Variants in AUTS2 observed in about 807,000 individuals in gnomAD.
AUTS2 encodes autism susceptibility gene 2 protein.
Under a neutral mutation model 112.4 loss-of-function variants are expected in AUTS2, and 17 were observed. The observed-to-expected ratio is 0.15, with a 90% CI of 0.10 to 0.23. The LOEUF (loss-of-function observed/expected upper bound fraction) is 0.23. Ranked by LOEUF, AUTS2 falls within the 10% of genes least tolerant of loss-of-function variation. AUTS2 has a pLI of 1.00. For synonymous variants in AUTS2, 751 were observed against 702.7 expected, an observed-to-expected ratio of 1.07 and a Z score of -1.09; for missense variants, 1,510 against 1,701.6, an observed-to-expected ratio of 0.89 and a Z score of 1.98.
At chr7:69,735,758 C>T (rs1401201529) in intron 1 of AUTS2, among the ~76,000 whole-genome samples, 2 of 152,190 alleles carry the variant, frequency 1.3e-5, no homozygotes, top group Admixed American at 6.5e-5. Context: ...TTGTGAGCTC[C>T]GTAAGGGCTG....
intron 4 of AUTS2, among the ~76,000 whole-genome samples, chr7:70,232,140 A>G (rs1338201918): frequency 6.6e-6 from 1 of 152,122 alleles, no homozygotes; most frequent in Admixed American, 6.5e-5. Context: ...TTTTTCCTCT[A>G]GCTTCTTTTA....
At chr7:70,352,274 T>G (rs960047233) in intron 4 of AUTS2, among the ~76,000 whole-genome samples, 1 of 152,192 alleles carries the variant, frequency 6.6e-6, no homozygotes, top group African/African-American at 2.4e-5. Context: ...GTTGTCAGTT[T>G]TTGTTTGCTG....
At chr7:70,578,503 T>C (rs1802277480) in intron 5 of AUTS2, among the ~76,000 whole-genome samples, 1 of 152,262 alleles carries the variant, frequency 6.6e-6, no homozygotes, top group Non-Finnish European at 1.5e-5. Flanking sequence ...CCAGGACTCT[T>C]TGTAACCCCA....
chr7:69,851,876 G>C (rs1229789895), intron 1 of AUTS2, among the ~76,000 whole-genome samples: 6 of 152,122 alleles, frequency 3.9e-5, no homozygotes, highest in Non-Finnish European at 7.4e-5. Context: ...TTTTTATTTA[G>C]ATTTTTTGGG....
chr7:69,833,593 C>A (rs1258163008), intron 1 of AUTS2, among the ~76,000 whole-genome samples: 1 of 152,078 alleles, frequency 6.6e-6, no homozygotes, highest in East Asian at 1.9e-4. Context: ...CACCACCACG[C>A]CCAGCTAATT....
rs1193445659 is a variant in AUTS2 at position 69,683,586 on chromosome 7, AC to A, written c.309+83629del. Reference sequence around the variant, plus strand: ...AAAACTATGACCCTGTGTCTAAAAAACCCCCAAAAACCCAAAACCAAAAAAC... The same window carrying A: ...AAAACTATGACCCTGTGTCTAAAAAACCCCAAAAACCCAAAACCAAAAAAC... On this transcript the variant is annotated intron_variant, in intron 1 of 18. Transcript: ENST00000342771. 2.6e-5 allele frequency among the ~76,000 whole-genome samples: 4 copies of A among 151,088 alleles called. No individual in the cohort carries two copies. The East Asian group carries it at 7.8e-4, about 30-fold the overall frequency.
At chr7:70,377,329 T>G (rs1313882571) in intron 4 of AUTS2, among the ~76,000 whole-genome samples, 1 of 21,188 alleles carries the variant, frequency 4.7e-5, no homozygotes, top group Admixed American at 4.2e-4. Context: ...AATATAAATA[T>G]ATATATATAT....
intron 1 of AUTS2, among the ~76,000 whole-genome samples, chr7:69,893,215 C>T (rs749379840): frequency 1.7e-4 from 26 of 152,204 alleles, no homozygotes; most frequent in Non-Finnish European, 3.4e-4. Flanking sequence ...ATGCCTTGTA[C>T]ATTCCTACAG....
intron 2 of AUTS2, among the ~76,000 whole-genome samples, chr7:70,072,357 G>C (rs1178809174): frequency 6.6e-6 from 1 of 152,092 alleles, no homozygotes; most frequent in Non-Finnish European, 1.5e-5. Context: ...TGTGCCTGTG[G>C]ATATATATAC....
chr7:70,102,555 G>A (rs886101832), intron 2 of AUTS2, among the ~76,000 whole-genome samples: 4 of 151,748 alleles, frequency 2.6e-5, no homozygotes, highest in Admixed American at 1.3e-4. Context: ...ACACACGTAC[G>A]TATATGTATT....
chr7:70,301,937 G>GTT (rs35067729), intron 4 of AUTS2, among the ~76,000 whole-genome samples: 3 of 146,782 alleles, frequency 2.0e-5, no homozygotes, highest in South Asian at 2.2e-4. Flanking sequence ...GTTTTTTGTG[G>GTT]TTTTTTTTTT....
At chr7:70,486,232 G>A (rs1036443472) in intron 5 of AUTS2, among the ~76,000 whole-genome samples, 4 of 152,202 alleles carry the variant, frequency 2.6e-5, no homozygotes, top group Admixed American at 2.6e-4. Context: ...ACAGGGGTTA[G>A]CATGTAAGCT....
chr7:69,724,861 T>A (rs1242087561), intron 1 of AUTS2, among the ~76,000 whole-genome samples: 1 of 152,180 alleles, frequency 6.6e-6, no homozygotes, highest in Non-Finnish European at 1.5e-5. Flanking sequence ...GAGAGGGAAT[T>A]GGTTCTGGAT....
rs775004644 is a variant in AUTS2, at chr7:69,899,326, G to A, written c.350G>A (p.Arg117His). The change falls in exon 2 of 19, where the codon CGC (arginine) becomes CAC (histidine). Residue 117 changes from arginine (R) to histidine (H), a missense_variant. Physicochemically the swap from Arg to His is conservative, Grantham distance 29 (BLOSUM62 0). This residue lies in a region of AUTS2 where 535 missense variants were observed against 594.3 expected (regional missense o/e 0.90). Transcript: ENST00000342771. ...AAGCCTCAGGAACGTGTGGAGAAACGCCAGACGCCCCTGACCAAGAAGAAA... is the reference window on the plus strand; with the variant it reads ...AAGCCTCAGGAACGTGTGGAGAAACACCAGACGCCCCTGACCAAGAAGAAA... ...ALKPQERVEK[R>H]QTPLTKKKRE... The A allele has an allele frequency of 8.1e-6, 13 of 1,613,764 alleles. No individual in the cohort carries two copies. Among genetic ancestry groups the A allele is most frequent in the Admixed American group, 3.3e-5 (2 of 59,972 alleles).
At chr7:70,470,538 C>G (rs554577992) in intron 5 of AUTS2, among the ~76,000 whole-genome samples, 2 of 152,164 alleles carry the variant, frequency 1.3e-5, no homozygotes, top group South Asian at 2.1e-4. Flanking sequence ...CTAGAGTCAA[C>G]GCTATCTAAA....
chr7:69,607,668 T>C (rs888575136), intron 1 of AUTS2, among the ~76,000 whole-genome samples: 1 of 152,204 alleles, frequency 6.6e-6, no homozygotes, highest in Non-Finnish European at 1.5e-5. Flanking sequence ...ATGACTTAAC[T>C]GTCATTTTAG....
chr7:70,453,565 C>T (rs373828894), intron 5 of AUTS2, among the ~76,000 whole-genome samples: 5 of 152,360 alleles, frequency 3.3e-5, no homozygotes, highest in East Asian at 3.9e-4. Flanking sequence ...AGAAGTTAAG[C>T]ATCAGTTTCA....
At chr7:70,126,712 A>T (rs917186295) in intron 3 of AUTS2, among the ~76,000 whole-genome samples, 1 of 152,242 alleles carries the variant, frequency 6.6e-6, no homozygotes, top group Admixed American at 6.5e-5. Flanking sequence ...TTTAATAAAC[A>T]AGCCTCAAAT....
intron 2 of AUTS2, among the ~76,000 whole-genome samples, chr7:70,004,147 ATG>A (rs1162938552): frequency 7.6e-6 from 1 of 132,272 alleles, no homozygotes; most frequent in Non-Finnish European, 1.5e-5. Flanking sequence ...ATATATATGA[ATG>A]TGTTATATGT....
Sources: allele counts gnomAD v4.1 joint callset (sites outside exome capture counted in the v4.1 genomes callset), GRCh38; gene constraint gnomAD v4.1.1; regional missense constraint gnomAD v4.1.1; transcripts MANE v1.5; gene names NCBI Gene and HGNC (gene_info 2026-07-23, HGNC 2026-07-21).